TPST1: variants seen among roughly 807,000 people sequenced by gnomAD.
TPST1 encodes the protein protein-tyrosine sulfotransferase 1.
Under a neutral mutation model 34.8 loss-of-function variants are expected in TPST1, and 20 were observed. The ratio of observed to expected loss-of-function variants is 0.57; its 90% CI spans 0.40 to 0.84. TPST1 has a LOEUF of 0.84. Among genes scored for constraint, TPST1 ranks in the 40% least tolerant of loss-of-function variants. The probability of loss-of-function intolerance (pLI) is 0.00; values close to 1 mark genes in which losing one functional copy is unlikely to be tolerated. For missense variants in TPST1, 353 were observed against 455.5 expected (o/e 0.78, Z 2.05); for synonymous variants, 152 against 159.4 (o/e 0.95, Z 0.35).
intron 3 of TPST1, among the ~76,000 whole-genome samples, chr7:66,318,022 G>A (rs1320636782): frequency 6.6e-6 from 1 of 152,102 alleles, no homozygotes; most frequent in African/African-American, 2.4e-5. Flanking sequence ...AGCCAGGCGG[G>A]GTGGCAGGCG....
Position 66,286,821 on chromosome 7 carries a change from T to A in TPST1, c.1044+112T>A, listed in dbSNP as rs201686143. ...ATTTAATGATCAGAAAAATATATTT[T>A]TTTTTTTTTTCATTTATTTTTATTT... is the stretch of plus-strand genomic sequence containing the variant. On this transcript the variant is annotated intron_variant, in intron 3 of 5. Transcript: ENST00000304842. The A allele has an allele frequency of 1.4e-4, 77 of 564,882 alleles. No individual in the cohort carries two copies. The Middle Eastern group carries it at 1.6e-3, about 12-fold the overall frequency. 35.0% of individuals were successfully genotyped at this position (564,882 alleles called of 1,614,324 possible).
intron 2 of TPST1, among the ~76,000 whole-genome samples, chr7:66,245,079 A>AAAAGG (rs1790120190): frequency 6.6e-6 from 1 of 152,226 alleles, no homozygotes; most frequent in Non-Finnish European, 1.5e-5. Context: ...AAATGGAGAC[A>AAAAGG]TTTTTGAGGA....
At chr7:66,280,234 G>A (rs1790905888) in intron 2 of TPST1, among the ~76,000 whole-genome samples, 2 of 152,194 alleles carry the variant, frequency 1.3e-5, no homozygotes, top group Admixed American at 1.3e-4. Context: ...AGTGGACGTG[G>A]AAGCCACCCA....
In TPST1 at chr7:66,279,267, T is replaced by G. The variant is rs145849474; in HGVS notation, c.846-7244T>G. ...GTTGCTGCAAAGGACACTATTTCAT[T>G]TTTTTATAGCTGTGTAGTATTCCAT... On this transcript the variant is annotated intron_variant, in intron 2 of 5. Coordinates refer to ENST00000304842, the MANE Select transcript of TPST1 (RefSeq NM_003596.4). 2.1e-3 allele frequency among the ~76,000 whole-genome samples: 324 copies of G among 152,306 alleles called. 2 individuals are homozygous for G. Among genetic ancestry groups the G allele is most frequent in the African/African-American group, 7.6e-3 (317 of 41,558 alleles).
intron 4 of TPST1, among the ~76,000 whole-genome samples, chr7:66,355,512 T>C (rs1792564690): frequency 6.6e-6 from 1 of 151,234 alleles, no homozygotes; most frequent in Non-Finnish European, 1.5e-5. Flanking sequence ...AAAAAACTCA[T>C]CTGTGGAATA....
intron 1 of TPST1, among the ~76,000 whole-genome samples, chr7:66,220,202 C>T (rs1271356523): frequency 6.6e-6 from 1 of 152,014 alleles, no homozygotes; most frequent in Non-Finnish European, 1.5e-5. Context: ...CAGGATCAGT[C>T]AATGCACATT....
At chr7:66,328,825 TCTCTCTCTCTCTTTCTCA>T (rs1791924560) in intron 3 of TPST1, among the ~76,000 whole-genome samples, 1 of 142,412 alleles carries the variant, frequency 7.0e-6, no homozygotes, top group Non-Finnish European at 1.5e-5. Context: ...GATCCCAGCC[TCTCTCTCTCTCTTTCTCA>T]CTCTCTCTCT....
intron 3 of TPST1, among the ~76,000 whole-genome samples, chr7:66,322,191 C>T (rs1297596900): frequency 1.3e-5 from 2 of 152,100 alleles, no homozygotes; most frequent in African/African-American, 4.8e-5. Context: ...TATTGCTTTA[C>T]CTTTCTCTTT....
chr7:66,269,498 C>T (rs574349384), intron 2 of TPST1, among the ~76,000 whole-genome samples: 3 of 152,202 alleles, frequency 2.0e-5, no homozygotes, highest in African/African-American at 7.2e-5. Flanking sequence ...AGGAGAAAAC[C>T]ATATGATCAT....
intron 3 of TPST1, among the ~76,000 whole-genome samples, chr7:66,335,935 A>C (rs151284934): frequency 2.6e-3 from 389 of 152,322 alleles, no homozygotes; most frequent in African/African-American, 9.0e-3. Context: ...AAAGAAACCA[A>C]CAAAGCTCCA....
chr7:66,318,711 G>A (rs546694101), intron 3 of TPST1, among the ~76,000 whole-genome samples: 8 of 152,192 alleles, frequency 5.3e-5, no homozygotes, highest in East Asian at 1.9e-4. Context: ...GTGACTCGCC[G>A]CCTTGGCCTC....
intron 2 of TPST1, among the ~76,000 whole-genome samples, chr7:66,276,378 A>ATATATATATATATATATATG (rs1244773173): frequency 7.2e-6 from 1 of 138,840 alleles, no homozygotes; most frequent in Non-Finnish European, 1.5e-5. Flanking sequence ...ATATATATAT[A>ATATATATATATATATATATG]TATGTATTTT....
intron 1 of TPST1, among the ~76,000 whole-genome samples, chr7:66,216,218 A>C (rs1489773065): frequency 4.1e-5 from 6 of 144,792 alleles, no homozygotes; most frequent in Non-Finnish European, 9.1e-5. Flanking sequence ...TTGTTGGATT[A>C]TGCTTGTTTA....
chr7:66,233,394 G>C (rs1016608596), intron 1 of TPST1, among the ~76,000 whole-genome samples: 2 of 152,126 alleles, frequency 1.3e-5, no homozygotes, highest in Non-Finnish European at 2.9e-5. Flanking sequence ...CATATGGTAG[G>C]TATCCAACTT....
Position 66,311,146 on chromosome 7 carries a change from G to A in TPST1, c.1044+24437G>A, listed in dbSNP as rs542703610. 2.0e-4 allele frequency among the ~76,000 whole-genome samples: 30 copies of A among 149,620 alleles called. 1 individual carries two copies. The South Asian group carries it at 6.1e-3, about 31-fold the overall frequency. ...AGTATTTTGTCTTTTTTTTGTGTGT[G>A]TGTGACAGGGTTTCACTCTTCGCTC... is the stretch of plus-strand genomic sequence containing the variant. On this transcript the variant is annotated intron_variant, in intron 3 of 5. Coordinates refer to ENST00000304842, the MANE Select transcript of TPST1 (RefSeq NM_003596.4).
chr7:66,310,360 G>T (rs1406939111), intron 3 of TPST1, among the ~76,000 whole-genome samples: 8 of 152,196 alleles, frequency 5.3e-5, no homozygotes, highest in Non-Finnish European at 7.4e-5. Context: ...ATAACACACT[G>T]AAGGTGACAG....
intron 3 of TPST1, among the ~76,000 whole-genome samples, chr7:66,297,791 G>T (rs187906563): frequency 1.3e-4 from 20 of 152,312 alleles, no homozygotes; most frequent in South Asian, 1.0e-3. Context: ...GTAAAGCCTG[G>T]AATGAATGCA....
At chr7:66,323,235 G>A (rs572457091) in intron 3 of TPST1, among the ~76,000 whole-genome samples, 11 of 152,070 alleles carry the variant, frequency 7.2e-5, no homozygotes, top group African/African-American at 2.7e-4. Context: ...CTTTAATTGG[G>A]CCATCTATCC....
chr7:66,201,526 A>G (rs1288516439), upstream of TPST1, among the ~76,000 whole-genome samples: 1 of 151,984 alleles, frequency 6.6e-6, no homozygotes, highest in Non-Finnish European at 1.5e-5. Context: ...CCCTGTCTCT[A>G]CTAAAAATAC....
Sources: allele counts gnomAD v4.1 joint callset (sites outside exome capture counted in the v4.1 genomes callset), GRCh38; gene constraint gnomAD v4.1.1; transcripts MANE v1.5; gene names NCBI Gene and HGNC (gene_info 2026-07-23, HGNC 2026-07-21).